Variants in SETBP1 observed in about 807,000 individuals in gnomAD.
SETBP1 encodes SET binding protein 1, also known as SET-binding protein.
A neutral mutation model predicts 101.0 loss-of-function variants in SETBP1; 9 were observed. That is an observed-to-expected ratio of 0.09 (90% CI 0.05 to 0.16). SETBP1 has a LOEUF of 0.16. Ranked by LOEUF, SETBP1 falls within the 10% of genes least tolerant of loss-of-function variation. The pLI is 1.00. For missense variants in SETBP1, 1,858 were observed against 2,033.8 expected (o/e 0.91, Z 1.66); for synonymous variants, 818 against 788.5 (o/e 1.04, Z -0.63).
At chr18:44,776,542 G>C (rs1599110979) in intron 2 of SETBP1, among the ~76,000 whole-genome samples, 2 of 152,052 alleles carry the variant, frequency 1.3e-5, no homozygotes, top group Admixed American at 1.3e-4. Context: ...TTAAGCTCCT[G>C]GGCTCCAGGG....
At chr18:45,017,635 A>G (rs1356220398) in intron 4 of SETBP1, among the ~76,000 whole-genome samples, 1 of 152,230 alleles carries the variant, frequency 6.6e-6, no homozygotes, top group Non-Finnish European at 1.5e-5. Context: ...CCTCGTTACT[A>G]ATGAACACTG....
intron 2 of SETBP1, among the ~76,000 whole-genome samples, chr18:44,826,521 C>T (rs2072242442): frequency 6.6e-6 from 1 of 152,094 alleles, no homozygotes; most frequent in African/African-American, 2.4e-5. Context: ...TGTGGAGTCC[C>T]AGGGTGAGAG....
At chr18:44,720,101 A>G (rs779449112) in intron 2 of SETBP1, among the ~76,000 whole-genome samples, 1 of 152,194 alleles carries the variant, frequency 6.6e-6, no homozygotes, top group Non-Finnish European at 1.5e-5. Flanking sequence ...GTGAGCATGT[A>G]TAGCCTCTGG....
At chr18:44,889,351 T>C (rs547586195) in intron 3 of SETBP1, among the ~76,000 whole-genome samples, 1 of 152,278 alleles carries the variant, frequency 6.6e-6, no homozygotes, top group East Asian at 1.9e-4. Flanking sequence ...ATCAGAGCCT[T>C]ATTTATCATC....
rs530567312 is a variant in SETBP1 at position 44,753,229 on chromosome 18, T to C, written c.486+51397T>C. ...CTCTAATCCACTGAGGCTGCTCTTGTGTTGGGACCAATTTGAACCCACCAT... is the reference window on the plus strand; with the variant it reads ...CTCTAATCCACTGAGGCTGCTCTTGCGTTGGGACCAATTTGAACCCACCAT... On this transcript the variant is annotated intron_variant, in intron 2 of 5. Coordinates refer to ENST00000649279, the MANE Select transcript of SETBP1 (RefSeq NM_015559.3). Among the ~76,000 whole-genome samples, 10 of 152,296 alleles carry C rather than the reference T, an allele frequency of 6.6e-5. No homozygotes were observed. In the East Asian group the frequency reaches 1.9e-3, roughly 29 times the overall value.
chr18:45,018,720 T>TA (rs2072998656), intron 4 of SETBP1, among the ~76,000 whole-genome samples: 1 of 152,224 alleles, frequency 6.6e-6, no homozygotes, highest in Non-Finnish European at 1.5e-5. Context: ...AGGCTTAAGT[T>TA]AATTTTTCTG....
chr18:44,978,599 GATGAGAAGACAATATTTCAA>G (rs1456352154), intron 4 of SETBP1, among the ~76,000 whole-genome samples: 1 of 152,188 alleles, frequency 6.6e-6, no homozygotes, highest in Non-Finnish European at 1.5e-5. Context: ...AGATTTAACA[GATGAGAAGACAATATTTCAA>G]ATGAGGGCTC....
At chr18:45,040,374 G>C (rs2073484788) in intron 5 of SETBP1, among the ~76,000 whole-genome samples, 1 of 152,188 alleles carries the variant, frequency 6.6e-6, no homozygotes, top group Non-Finnish European at 1.5e-5. Flanking sequence ...AAGTTGGGCA[G>C]AGTCTTGGAA....
At chr18:44,717,784 A>G (rs559251859) in intron 2 of SETBP1, among the ~76,000 whole-genome samples, 55 of 152,334 alleles carry the variant, frequency 3.6e-4, no homozygotes, top group African/African-American at 1.3e-3. Flanking sequence ...ATTCCCTTAG[A>G]ATAGAGTATA....
At chr18:44,700,572 C>T (rs1265365123) in intron 1 of SETBP1, among the ~76,000 whole-genome samples, 1 of 152,066 alleles carries the variant, frequency 6.6e-6, no homozygotes, top group Non-Finnish European at 1.5e-5. Flanking sequence ...TGCCTCAAAC[C>T]TAAGCTTTGC....
At chr18:44,706,601 A>AAG in intron 2 of SETBP1, among the ~76,000 whole-genome samples, 1 of 145,898 alleles carries the variant, frequency 6.9e-6, no homozygotes, top group Non-Finnish European at 1.5e-5. Context: ...CAAAAAAAAA[A>AAG]AAAAAAAAAA....
At chr18:44,854,949 C>T (rs1042012795) in intron 2 of SETBP1, among the ~76,000 whole-genome samples, 1 of 152,190 alleles carries the variant, frequency 6.6e-6, no homozygotes, top group Non-Finnish European at 1.5e-5. Flanking sequence ...TGCTGTTCCA[C>T]CAACACTTTG....
chr18:44,820,137 G>A (rs1223956874), intron 2 of SETBP1, among the ~76,000 whole-genome samples: 2 of 152,212 alleles, frequency 1.3e-5, no homozygotes, highest in Admixed American at 1.3e-4. Context: ...CCTCACCAGG[G>A]CAGCCCAGGC....
intron 2 of SETBP1, among the ~76,000 whole-genome samples, chr18:44,864,083 G>A (rs961320027): frequency 2.6e-5 from 4 of 152,170 alleles, no homozygotes; most frequent in Non-Finnish European, 5.9e-5. Context: ...GAGGGGACAT[G>A]ACGTTTGTTC....
chr18:44,745,148 A>T (rs2070208020), intron 2 of SETBP1, among the ~76,000 whole-genome samples: 1 of 152,146 alleles, frequency 6.6e-6, no homozygotes, highest in Admixed American at 6.5e-5. Flanking sequence ...TTTTGGGTAG[A>T]ATCTCTTCTC....
chr18:44,926,001 T>C (rs1486958654), intron 3 of SETBP1, among the ~76,000 whole-genome samples: 1 of 152,152 alleles, frequency 6.6e-6, no homozygotes, highest in African/African-American at 2.4e-5. Flanking sequence ...GGGAAGTTGT[T>C]GGGGACATTA....
chr18:44,720,671 G>A (rs2144331479), intron 2 of SETBP1, among the ~76,000 whole-genome samples: 2 of 152,328 alleles, frequency 1.3e-5, no homozygotes, highest in East Asian at 3.9e-4. Flanking sequence ...GAGGGATGGA[G>A]GAAGAAGCTT....
chr18:44,940,535 T>A (rs569167511), intron 3 of SETBP1, among the ~76,000 whole-genome samples: 3 of 152,320 alleles, frequency 2.0e-5, no homozygotes, highest in African/African-American at 7.2e-5. Flanking sequence ...CAACTTTTTT[T>A]AATACTGATT....
intron 3 of SETBP1, among the ~76,000 whole-genome samples, chr18:44,933,280 G>A (rs767755941): frequency 5.3e-5 from 8 of 152,182 alleles, no homozygotes; most frequent in Admixed American, 1.3e-4. Flanking sequence ...ATTGCACAAC[G>A]GCAGATGTTG....
Sources: gnomAD v4.1 joint callset for allele counts (sites outside exome capture counted in the v4.1 genomes callset) on GRCh38, gnomAD v4.1.1 for gene constraint, MANE v1.5 for transcripts, NCBI Gene and HGNC (gene_info 2026-07-23, HGNC 2026-07-21) for gene names.